The following IQCJ variants were observed in gnomAD, a reference collection of about 807,000 sequenced individuals.
IQCJ encodes the protein IQ domain-containing protein J.
In IQCJ, 9 loss-of-function variants were observed where a neutral mutation model predicts 11.0. The observed-to-expected ratio is 0.82, with a 90% confidence interval of 0.49 to 1.43. IQCJ has a LOEUF of 1.43. IQCJ is among the 40% of genes most tolerant of loss of function. The pLI, the probability that IQCJ is intolerant of heterozygous loss-of-function variation, is 0.00. For synonymous variants in IQCJ, 55 were observed against 51.3 expected (o/e 1.07, Z -0.31); for missense variants, 146 against 133.2 (o/e 1.10, Z -0.47).
In IQCJ at chr3:159,152,563, C is replaced by G. The variant is rs555735062; in HGVS notation, c.9+83122C>G. 3.9e-5 allele frequency among the ~76,000 whole-genome samples: 6 copies of G among 152,316 alleles called. No homozygotes were observed. The South Asian group carries it at 1.2e-3, about 32-fold the overall frequency. On this transcript the variant is annotated intron_variant, in intron 1 of 3. Transcript: ENST00000397832. ...ATGTGTGATTTTTGCCTCTCTGCAG[C>G]TTACTTTTGTCACCTGGAACAAGTG...
At chr3:159,147,265 G>A (rs988462204) in intron 1 of IQCJ, among the ~76,000 whole-genome samples, 4 of 152,186 alleles carry the variant, frequency 2.6e-5, no homozygotes, top group Non-Finnish European at 5.9e-5. Flanking sequence ...TGGAATTCAG[G>A]CTGAGATTAA....
intron 1 of IQCJ, among the ~76,000 whole-genome samples, chr3:159,088,881 A>G (rs1717009454): frequency 6.6e-6 from 1 of 152,090 alleles, no homozygotes; most frequent in African/African-American, 2.4e-5. Flanking sequence ...CCAATTTGCC[A>G]GTCTGTGTCT....
intron 1 of IQCJ, among the ~76,000 whole-genome samples, chr3:159,085,724 A>G (rs983060228): frequency 2.7e-5 from 4 of 150,874 alleles, no homozygotes; most frequent in African/African-American, 9.8e-5. Flanking sequence ...TTCTTTTGAG[A>G]AGTGTCTGTT....
chr3:159,074,104 G>A (rs759399742), intron 1 of IQCJ, among the ~76,000 whole-genome samples: 1 of 152,044 alleles, frequency 6.6e-6, no homozygotes, highest in Non-Finnish European at 1.5e-5. Flanking sequence ...AAGAACTGCG[G>A]TCATGGAGTT....
At position 159,087,748 on chromosome 3, in the gene IQCJ, TG is replaced by T. The variant is rs1373076713; in HGVS notation, c.9+18310del. ...TCTCTGATGGTAGTTTGTATTTCTGTGGGATCGGTGGTGATATCCCCTTTAT... is the reference window on the plus strand; with the variant it reads ...TCTCTGATGGTAGTTTGTATTTCTGTGGATCGGTGGTGATATCCCCTTTAT... On this transcript the variant is annotated intron_variant, in intron 1 of 3. Transcript: ENST00000397832. 2.0e-5 allele frequency among the ~76,000 whole-genome samples: 3 copies of T among 150,336 alleles called. No individual in the cohort carries two copies. In the East Asian group the frequency reaches 5.9e-4, roughly 30 times the overall value.
At chr3:159,078,400 T>C (rs1472222294) in intron 1 of IQCJ, among the ~76,000 whole-genome samples, 1 of 152,118 alleles carries the variant, frequency 6.6e-6, no homozygotes, top group African/African-American at 2.4e-5. Context: ...CATTGTCTTA[T>C]TTGATACTCA....
At chr3:159,257,297 A>G (rs960323621) in intron 3 of IQCJ, among the ~76,000 whole-genome samples, 3 of 152,078 alleles carry the variant, frequency 2.0e-5, no homozygotes, top group African/African-American at 7.2e-5. Flanking sequence ...CAGGACCACT[A>G]TTTTCTTTCT....
intron 1 of IQCJ, among the ~76,000 whole-genome samples, chr3:159,109,030 A>T (rs1176263920): frequency 6.6e-6 from 1 of 152,156 alleles, no homozygotes. Flanking sequence ...CTAACAACAT[A>T]TAGAGGTAGG....
chr3:159,082,154 C>A (rs936439318), intron 1 of IQCJ, among the ~76,000 whole-genome samples: 1 of 152,022 alleles, frequency 6.6e-6, no homozygotes, highest in Non-Finnish European at 1.5e-5. Flanking sequence ...AAATCTTACA[C>A]AACCTGGTAG....
chr3:159,117,005 T>C (rs1171931217), intron 1 of IQCJ, among the ~76,000 whole-genome samples: 1 of 152,176 alleles, frequency 6.6e-6, no homozygotes, highest in Non-Finnish European at 1.5e-5. Context: ...GAAAATACTT[T>C]AGTTAACATT....
chr3:159,151,070 C>T (rs1721186879), intron 1 of IQCJ, among the ~76,000 whole-genome samples: 2 of 152,146 alleles, frequency 1.3e-5, no homozygotes, highest in Admixed American at 1.3e-4. Context: ...AACTTTTAGC[C>T]CCTGTGTCAC....
chr3:159,183,422 G>C (rs989908772), intron 1 of IQCJ, among the ~76,000 whole-genome samples: 1 of 151,934 alleles, frequency 6.6e-6, no homozygotes, highest in Admixed American at 6.6e-5. Flanking sequence ...TCTATACTTT[G>C]TCTGTTATGC....
chr3:159,078,418 G>T (rs1716087377), intron 1 of IQCJ, among the ~76,000 whole-genome samples: 1 of 151,990 alleles, frequency 6.6e-6, no homozygotes, highest in Admixed American at 6.6e-5. Flanking sequence ...TCACAAACAA[G>T]GTATTTAGGA....
chr3:159,104,977 C>T (rs1322734453), intron 1 of IQCJ, among the ~76,000 whole-genome samples: 2 of 152,198 alleles, frequency 1.3e-5, no homozygotes, highest in African/African-American at 4.8e-5. Flanking sequence ...TGGTTCACTT[C>T]TCAGTAATTA....
rs79256120 is a variant in IQCJ at position 159,083,629 on chromosome 3, A to C, written c.9+14188A>C. On this transcript the variant is annotated intron_variant, in intron 1 of 3. Coordinates refer to ENST00000397832, the MANE Select transcript of IQCJ (RefSeq NM_001042706.3). ...TTGGACATTTATCTCACAAAAATGA[A>C]AACTGTATTCACATAAACAACTGTA... 5.8e-3 allele frequency among the ~76,000 whole-genome samples: 883 copies of C among 152,280 alleles called. 56 individuals are homozygous for C. The East Asian group carries it at 0.14, about 25-fold the overall frequency.
At chr3:159,262,275 C>A (rs1326313707) in intron 3 of IQCJ, among the ~76,000 whole-genome samples, 4 of 152,204 alleles carry the variant, frequency 2.6e-5, no homozygotes, top group African/African-American at 4.8e-5. Flanking sequence ...TTTGTTTTGA[C>A]TGATGAATTT....
At chr3:159,123,131 T>C (rs989326802) in intron 1 of IQCJ, among the ~76,000 whole-genome samples, 1 of 152,164 alleles carries the variant, frequency 6.6e-6, no homozygotes, top group Non-Finnish European at 1.5e-5. Flanking sequence ...TTAATGTAAT[T>C]GAAATAAAAT....
chr3:159,141,541 G>C (rs904280234), intron 1 of IQCJ, among the ~76,000 whole-genome samples: 2 of 152,158 alleles, frequency 1.3e-5, no homozygotes, highest in Non-Finnish European at 2.9e-5. Context: ...GGCAAAAGCA[G>C]CTTACATCAT....
chr3:159,245,933 C>G (rs773896694), intron 2 of IQCJ, 26 bp downstream of exon 2: 3 of 1,486,558 alleles, frequency 2.0e-6, no homozygotes, highest in East Asian at 2.5e-5. Flanking sequence ...TAAGTTAAAT[C>G]ATCTGCAAGG....
Sources: allele counts gnomAD v4.1 joint callset (sites outside exome capture counted in the v4.1 genomes callset), GRCh38; gene constraint gnomAD v4.1.1; transcripts MANE v1.5; gene names NCBI Gene and HGNC (gene_info 2026-07-23, HGNC 2026-07-21).